The following SHROOM3 variants were observed in gnomAD, a reference collection of about 807,000 sequenced individuals.
The protein encoded by SHROOM3 is shroom family member 3, also known as protein Shroom3.
In SHROOM3, 47 loss-of-function variants were observed where a neutral mutation model predicts 138.6. The observed-to-expected ratio is 0.34, with a 90% CI of 0.27 to 0.43. The LOEUF is 0.43. SHROOM3 is among the 20% of genes least tolerant of loss of function. The pLI, the probability that SHROOM3 is intolerant of heterozygous loss-of-function variation, is 1.00. For missense variants in SHROOM3, 2,491 were observed against 2,596.5 expected, an observed-to-expected ratio of 0.96 and a Z score of 0.88; for synonymous variants, 1,062 against 1,063.3, an observed-to-expected ratio of 1.00 and a Z score of 0.02.
chr4:76,764,879 A>G (rs939849105), intron 9 of SHROOM3, among the ~76,000 whole-genome samples: 1 of 152,122 alleles, frequency 6.6e-6, no homozygotes, highest in African/African-American at 2.4e-5. Context: ...TATGTCTTTC[A>G]CCAAATTCTG....
At position 76,477,426 on chromosome 4, in the gene SHROOM3, C is replaced by T. The variant is rs529983707; in HGVS notation, c.168+41206C>T. ...CCCCTTGCCTCAAGACTGCACATAACATAATCCTCTTTCTGTTTTTGCCTG... is the reference window on the plus strand; with the variant it reads ...CCCCTTGCCTCAAGACTGCACATAATATAATCCTCTTTCTGTTTTTGCCTG... On this transcript the variant is annotated intron_variant, in intron 1 of 10. Coordinates refer to ENST00000296043, the MANE Select transcript of SHROOM3 (RefSeq NM_020859.4). 5.9e-5 allele frequency among the ~76,000 whole-genome samples: 9 copies of T among 152,314 alleles called. No homozygotes were observed. In the South Asian group the frequency reaches 1.7e-3, roughly 28 times the overall value.
At chr4:76,758,504 C>T (rs1721892925) in intron 8 of SHROOM3, 2 of 148,274 alleles carry the variant, frequency 1.3e-5, no homozygotes, top group South Asian at 4.2e-4. Flanking sequence ...TGGAAATAAG[C>T]ATTGTCCTGT....
intron 2 of SHROOM3, among the ~76,000 whole-genome samples, chr4:76,668,189 G>T (rs1718771285): frequency 6.6e-6 from 1 of 151,968 alleles, no homozygotes; most frequent in Non-Finnish European, 1.5e-5. Context: ...AAAAGCCCAA[G>T]GAAGGAGTCA....
At chr4:76,672,647 A>C (rs1045203669) in intron 2 of SHROOM3, among the ~76,000 whole-genome samples, 2 of 152,108 alleles carry the variant, frequency 1.3e-5, no homozygotes, top group Non-Finnish European at 2.9e-5. Flanking sequence ...ATCTCAGCTC[A>C]CTGCTAGCTC....
chr4:76,672,061 AT>A (rs1299987622), intron 2 of SHROOM3, among the ~76,000 whole-genome samples: 1 of 152,122 alleles, frequency 6.6e-6, no homozygotes, highest in Non-Finnish European at 1.5e-5. Context: ...TAGCCCCCAC[AT>A]TTAAGGGAAA....
At chr4:76,763,932 A>G (rs922022407) in intron 9 of SHROOM3, among the ~76,000 whole-genome samples, 1 of 152,236 alleles carries the variant, frequency 6.6e-6, no homozygotes, top group East Asian at 1.9e-4. Context: ...TGGTTTAGAA[A>G]AATGATACTT....
chr4:76,629,413 G>C (rs775903664), intron 2 of SHROOM3, among the ~76,000 whole-genome samples: 14 of 152,210 alleles, frequency 9.2e-5, no homozygotes, highest in Non-Finnish European at 1.9e-4. Flanking sequence ...CTTGCAGCCC[G>C]TTGTAAGGAC....
intron 1 of SHROOM3, among the ~76,000 whole-genome samples, chr4:76,460,823 T>G (rs1731124831): frequency 4.1e-5 from 1 of 24,248 alleles, no homozygotes; most frequent in African/African-American, 8.4e-5. Context: ...AAAGCCCGTA[T>G]CTACAAAAAA....
At chr4:76,772,250 C>T (rs1383200341) in intron 10 of SHROOM3, among the ~76,000 whole-genome samples, 15 of 151,852 alleles carry the variant, frequency 9.9e-5, no homozygotes, top group South Asian at 4.2e-4. Context: ...ATTACAGGTG[C>T]GCACCACCAT....
intron 2 of SHROOM3, among the ~76,000 whole-genome samples, chr4:76,709,298 C>T (rs1720157145): frequency 6.6e-6 from 1 of 152,150 alleles, no homozygotes; most frequent in Admixed American, 6.5e-5. Flanking sequence ...TAGAAAAATC[C>T]TTGAAGACAG....
chr4:76,740,782 G>T lies in SHROOM3; in HGVS notation c.2609G>T (p.Gly870Val). 6.2e-7 allele frequency: 1 copy of T among 1,612,310 alleles called. No individual in the cohort carries two copies. The highest frequency in any genetic ancestry group is 8.5e-7 in the Non-Finnish European group (1 of 1,179,728). ...CCCTGCGGTCAGCAGCTGAGCGGAG[G>T]AGCGTCGGACAGCGGCCGTGGCCCC... ...RQPCGQQLSG[G>V]ASDSGRGPQR... Residue 870 changes from glycine to valine, a missense_variant, in exon 5 of 11, where the codon GGA (glycine) becomes GTA (valine). Coordinates refer to ENST00000296043, the MANE Select transcript of SHROOM3 (RefSeq NM_020859.4). This position sits in a 1 kb window ranked among gnomAD's most constrained non-coding sequence, Gnocchi z 4.0.
chr4:76,518,661 C>T lies in SHROOM3; in HGVS notation c.169-36948C>T, dbSNP rs530472030. Among the ~76,000 whole-genome samples, 11 of 152,178 alleles carry T rather than the reference C, an allele frequency of 7.2e-5. No individual in the cohort carries two copies. The East Asian group carries it at 1.2e-3, about 16-fold the overall frequency. ...GCTGTTCACATTTGGTAGGGTTCTA[C>T]GGAGCTTATCTAACATATTTCTAAA... On this transcript the variant is annotated intron_variant, in intron 1 of 10. Transcript: ENST00000296043.
At chr4:76,733,817 G>C (rs752465935) in intron 4 of SHROOM3, among the ~76,000 whole-genome samples, 111 of 152,172 alleles carry the variant, frequency 7.3e-4, no homozygotes, top group Admixed American at 3.1e-3. Context: ...GGAGAGACAG[G>C]AGTGAGGTGA....
At chr4:76,475,054 G>T (rs1348159611) in intron 1 of SHROOM3, among the ~76,000 whole-genome samples, 2 of 152,102 alleles carry the variant, frequency 1.3e-5, no homozygotes, top group African/African-American at 4.8e-5. Flanking sequence ...AGAGGACAGT[G>T]ATTATGTACT....
chr4:76,616,192 C>T (rs953760217), intron 2 of SHROOM3, among the ~76,000 whole-genome samples: 19 of 152,278 alleles, frequency 1.2e-4, no homozygotes, highest in African/African-American at 3.6e-4. Context: ...TTAGGTAAGA[C>T]GAAGTTCCTG....
chr4:76,507,054 T>C (rs1173036702), intron 1 of SHROOM3, among the ~76,000 whole-genome samples: 1 of 152,184 alleles, frequency 6.6e-6, no homozygotes, highest in Non-Finnish European at 1.5e-5. Context: ...GCCTGAACTC[T>C]TCTTAAATGA....
chr4:76,438,348 G>C (rs1429545004), intron 1 of SHROOM3, among the ~76,000 whole-genome samples: 1 of 152,146 alleles, frequency 6.6e-6, no homozygotes, highest in Non-Finnish European at 1.5e-5. Flanking sequence ...GAAAAGAGAA[G>C]GCAATCTCCT....
chr4:76,439,868 T>C (rs1231087155), intron 1 of SHROOM3, among the ~76,000 whole-genome samples: 2 of 152,240 alleles, frequency 1.3e-5, no homozygotes, highest in African/African-American at 4.8e-5. Flanking sequence ...TGAATTGCTT[T>C]CTTTGGGATT....
intron 2 of SHROOM3, chr4:76,688,330 C>A: frequency 2.1e-6 from 2 of 933,784 alleles, no homozygotes; most frequent in Non-Finnish European, 2.6e-6. Flanking sequence ...GCTGCTAATG[C>A]TCCTGCATTC....
Sources: allele counts gnomAD v4.1 joint callset (sites outside exome capture counted in the v4.1 genomes callset), GRCh38; gene constraint gnomAD v4.1.1; non-coding constraint Gnocchi (gnomAD v3.1); transcripts MANE v1.5; gene names NCBI Gene and HGNC (gene_info 2026-07-23, HGNC 2026-07-21).